Variants in MPP7 observed in about 807,000 individuals in gnomAD.
The protein encoded by MPP7 is MAGUK p55 subfamily member 7.
A neutral mutation model predicts 76.5 loss-of-function variants in MPP7; 60 were observed. The observed-to-expected ratio is 0.78, with a 90% CI of 0.64 to 0.97. The LOEUF is 0.97. MPP7 is among the 50% of genes least tolerant of loss of function. The pLI is 0.00. For missense variants in MPP7, 641 were observed against 694.0 expected, an observed-to-expected ratio of 0.92 and a Z score of 0.86; for synonymous variants, 237 against 244.5, an observed-to-expected ratio of 0.97 and a Z score of 0.29.
chr10:28,069,729 T>C (rs1852143983), intron 13 of MPP7, 43 bp downstream of exon 13: 1 of 1,421,766 alleles, frequency 7.0e-7, no homozygotes, highest in South Asian at 1.5e-5. Flanking sequence ...TTTAAAATTA[T>C]CGTAAGTGTA....
intron 3 of MPP7, among the ~76,000 whole-genome samples, chr10:28,195,700 G>C (rs1180603245): frequency 3.9e-5 from 6 of 152,196 alleles, no homozygotes; most frequent in Non-Finnish European, 8.8e-5. Context: ...GAGACAGAAA[G>C]TAGACTGGCA....
chr10:28,142,129 C>T (rs1320355971), intron 5 of MPP7, among the ~76,000 whole-genome samples: 1 of 152,030 alleles, frequency 6.6e-6, no homozygotes, highest in East Asian at 1.9e-4. Flanking sequence ...AAGTCCTTTC[C>T]AAGCTAACTC....
chr10:28,296,236 C>T (rs573406594), intron 1 of MPP7, among the ~76,000 whole-genome samples: 116 of 152,250 alleles, frequency 7.6e-4, no homozygotes, highest in African/African-American at 2.7e-3. Context: ...TGCCCACGCT[C>T]TCCTAAGGGC....
At chr10:28,158,298 TTCTA>T (rs1175047054) in intron 3 of MPP7, among the ~76,000 whole-genome samples, 5 of 152,180 alleles carry the variant, frequency 3.3e-5, no homozygotes, top group African/African-American at 1.2e-4. Context: ...ATCAACTATC[TTCTA>T]TCTGCCACTT....
At chr10:28,164,491 G>C (rs971738463) in intron 3 of MPP7, among the ~76,000 whole-genome samples, 2 of 152,100 alleles carry the variant, frequency 1.3e-5, no homozygotes, top group African/African-American at 4.8e-5. Context: ...GGTAGGTAGA[G>C]AAGGCAGGTA....
intron 3 of MPP7, among the ~76,000 whole-genome samples, chr10:28,191,448 G>T (rs575601229): frequency 2.1e-4 from 32 of 152,260 alleles, no homozygotes; most frequent in Admixed American, 1.3e-3. Context: ...TACAGATTGA[G>T]CATCCCAAAT....
At chr10:28,331,401 G>A (rs1285745892) in intron 1 of MPP7, among the ~76,000 whole-genome samples, 1 of 152,064 alleles carries the variant, frequency 6.6e-6, no homozygotes, top group African/African-American at 2.4e-5. Flanking sequence ...TATGAATTAT[G>A]ATATGAATTA....
chr10:28,162,331 A>G (rs1337592419), intron 3 of MPP7, among the ~76,000 whole-genome samples: 2 of 152,226 alleles, frequency 1.3e-5, no homozygotes, highest in African/African-American at 4.8e-5. Flanking sequence ...TGAAATAACC[A>G]AATAATATAC....
At chr10:28,104,132 G>C (rs572260022) in intron 11 of MPP7, among the ~76,000 whole-genome samples, 9 of 152,162 alleles carry the variant, frequency 5.9e-5, no homozygotes, top group Non-Finnish European at 1.3e-4. Flanking sequence ...ATTTGGCTAG[G>C]TGAAAAGAAA....
rs3847385 is a variant in MPP7, at chr10:28,270,980, C to T, written c.-132+31881G>A. On this transcript the variant is annotated intron_variant, in intron 1 of 16. Coordinates refer to ENST00000683449, the MANE Select transcript of MPP7 (RefSeq NM_001318170.2). ...CTAAATAATTAGCTGGTGATGTACA[C>T]TGATCTAGACCCATAATAATTACAG... Among the ~76,000 whole-genome samples the T allele has an allele frequency of 5.4e-3, 816 of 152,282 alleles. 11 individuals carry two copies. Among genetic ancestry groups the T allele is most frequent in the African/African-American group, 0.019 (798 of 41,548 alleles).
intron 5 of MPP7, among the ~76,000 whole-genome samples, chr10:28,134,788 A>T (rs1381117713): frequency 1.3e-5 from 2 of 151,750 alleles, no homozygotes; most frequent in Non-Finnish European, 2.9e-5. Context: ...AAGTACTCAG[A>T]GCAAAAAAAG....
At chr10:28,135,224 G>A (rs1377758460) in intron 5 of MPP7, among the ~76,000 whole-genome samples, 1 of 152,146 alleles carries the variant, frequency 6.6e-6, no homozygotes, top group African/African-American at 2.4e-5. Flanking sequence ...GGAATCCAGA[G>A]ACGTCAACTG....
At chr10:28,147,707 C>T (rs1206711965) in intron 4 of MPP7, 144 bp from the exon 5 acceptor site, 2 of 698,716 alleles carry the variant, frequency 2.9e-6, no homozygotes, top group Non-Finnish European at 5.0e-6. Flanking sequence ...AACAGATCAT[C>T]AATCATTGCT....
intron 2 of MPP7, among the ~76,000 whole-genome samples, chr10:28,207,545 C>G (rs1227464927): frequency 2.0e-5 from 3 of 151,808 alleles, no homozygotes; most frequent in Admixed American, 6.6e-5. Flanking sequence ...ATTACCCGGG[C>G]ATGGTGGTGC....
intron 9 of MPP7, 99 bp from the exon 10 acceptor site, chr10:28,120,489 A>G: frequency 6.7e-7 from 1 of 1,488,962 alleles, no homozygotes; most frequent in Non-Finnish European, 9.3e-7. Context: ...TAATTTTAAA[A>G]CTGGAATATT....
chr10:28,061,565 T>A (rs1851784480), intron 13 of MPP7, among the ~76,000 whole-genome samples: 1 of 151,894 alleles, frequency 6.6e-6, no homozygotes, highest in Admixed American at 6.5e-5. Context: ...AAAACACATA[T>A]GTCATAGGAG....
intron 11 of MPP7, among the ~76,000 whole-genome samples, chr10:28,092,577 C>CTTTTTTTTT (rs397969009): frequency 0.12 from 14,259 of 120,142 alleles, 1,836 homozygotes; most frequent in African/African-American, 0.21. Flanking sequence ...GAAAAGGGAC[C>CTTTTTTTTT]TTTTTTTTTT....
At chr10:28,326,699 T>A (rs1834419321) in intron 2 of MPP7, among the ~76,000 whole-genome samples, 1 of 152,208 alleles carries the variant, frequency 6.6e-6, no homozygotes, top group Non-Finnish European at 1.5e-5. Context: ...AGCGTAGTTT[T>A]ACTGTGACAA....
rs1256614947 is a variant in MPP7 at position 28,266,089 on chromosome 10, AGCTGGGATTACAG to A, written c.-131-27367_-131-27355del. 2.6e-5 allele frequency among the ~76,000 whole-genome samples: 4 copies of A among 152,026 alleles called. No individual in the cohort carries two copies. In the East Asian group the frequency reaches 5.8e-4, roughly 22 times the overall value. On this transcript the variant is annotated intron_variant, in intron 1 of 16. Coordinates refer to ENST00000683449, the MANE Select transcript of MPP7 (RefSeq NM_001318170.2). ...ATTCTCCTGCCTCAGCCTCCCTAGT[AGCTGGGATTACAG>A]GCGCCCACCACCGTGCCCAGCTAAT...
Sources: allele counts gnomAD v4.1 joint callset (sites outside exome capture counted in the v4.1 genomes callset), GRCh38; gene constraint gnomAD v4.1.1; transcripts MANE v1.5; gene names NCBI Gene and HGNC (gene_info 2026-07-23, HGNC 2026-07-21).